Variants in PPFIA2 observed in about 807,000 individuals in gnomAD.
PPFIA2 encodes PPFI scaffold protein A2, also known as liprin-alpha-2.
PPFIA2 carries 46 observed loss-of-function variants against 175.5 expected under a neutral mutation model. The ratio of observed to expected loss-of-function variants is 0.26; its 90% CI spans 0.21 to 0.34. The LOEUF (loss-of-function observed/expected upper bound fraction) is 0.34. Among genes scored for constraint, PPFIA2 ranks in the 10% least tolerant of loss-of-function variants. PPFIA2 has a pLI of 1.00. For missense variants in PPFIA2, 1,179 were observed against 1,506.1 expected (o/e 0.78, Z 3.60); for synonymous variants, 568 against 511.4 (o/e 1.11, Z -1.49).
chr12:81,646,057 A>G (rs1411164954), intron 4 of PPFIA2, among the ~76,000 whole-genome samples: 2 of 152,140 alleles, frequency 1.3e-5, no homozygotes, highest in East Asian at 3.9e-4. Context: ...ACTGGCAAAG[A>G]GACAGGAGAC....
chr12:81,274,357 T>C (rs1188222441), intron 28 of PPFIA2, among the ~76,000 whole-genome samples: 1 of 151,726 alleles, frequency 6.6e-6, no homozygotes, highest in Non-Finnish European at 1.5e-5. Context: ...GTCTAAGACA[T>C]ATTATGTGGT....
At chr12:81,641,741 G>A (rs2065000936) in intron 4 of PPFIA2, among the ~76,000 whole-genome samples, 1 of 152,246 alleles carries the variant, frequency 6.6e-6, no homozygotes, top group African/African-American at 2.4e-5. Context: ...CAGCAGAACT[G>A]CCCTGTAGAG....
At chr12:81,360,752 A>C (rs924826102) in intron 15 of PPFIA2, among the ~76,000 whole-genome samples, 1 of 151,166 alleles carries the variant, frequency 6.6e-6, no homozygotes, top group Admixed American at 6.6e-5. Flanking sequence ...GTTGTTTAAT[A>C]AATATTCAGT....
At chr12:81,359,758 G>A (rs942645703) in intron 15 of PPFIA2, among the ~76,000 whole-genome samples, 1 of 151,656 alleles carries the variant, frequency 6.6e-6, no homozygotes, top group Non-Finnish European at 1.5e-5. Flanking sequence ...CATCATCCTA[G>A]GAGCATTGTT....
At chr12:81,374,572 AT>A in intron 11 of PPFIA2, 61 bp downstream of exon 11, 2 of 1,503,672 alleles carry the variant, frequency 1.3e-6, no homozygotes, top group Non-Finnish European at 1.8e-6. Flanking sequence ...TACACATTCC[AT>A]TTTGATTACA....
At chr12:81,264,802 G>A (rs1417996327) in intron 30 of PPFIA2, among the ~76,000 whole-genome samples, 5 of 152,182 alleles carry the variant, frequency 3.3e-5, no homozygotes, top group African/African-American at 9.7e-5. Context: ...CAACTGCTGT[G>A]TTTTTCATTG....
At chr12:81,614,124 A>G (rs1182271680) in intron 4 of PPFIA2, among the ~76,000 whole-genome samples, 3 of 152,158 alleles carry the variant, frequency 2.0e-5, no homozygotes, top group African/African-American at 7.2e-5. Flanking sequence ...GTTTTTAAAT[A>G]TAGGGACATG....
At chr12:81,739,678 CAT>C (rs1178984161) in intron 3 of PPFIA2, among the ~76,000 whole-genome samples, 2 of 151,870 alleles carry the variant, frequency 1.3e-5, no homozygotes, top group Non-Finnish European at 2.9e-5. Context: ...AACTATATCA[CAT>C]ATCTTAATTG....
At chr12:81,405,530 T>C (rs770522394) in intron 8 of PPFIA2, among the ~76,000 whole-genome samples, 6 of 151,828 alleles carry the variant, frequency 4.0e-5, no homozygotes, top group Non-Finnish European at 5.9e-5. Context: ...TTAAATACTT[T>C]TAAGAAAATC....
chr12:81,412,335 CAAAAA>C (rs35342063), intron 7 of PPFIA2, among the ~76,000 whole-genome samples: 3 of 96,188 alleles, frequency 3.1e-5, no homozygotes, highest in Admixed American at 1.0e-4. Context: ...GTTAAGGAGG[CAAAAA>C]AAAAAAAAAA....
chr12:81,363,924 G>C, intron 14 of PPFIA2, among the ~76,000 whole-genome samples: 1 of 151,828 alleles, frequency 6.6e-6, no homozygotes, highest in East Asian at 1.9e-4. Context: ...TTGTGTGTCA[G>C]GCACCTGAGA....
intron 4 of PPFIA2, among the ~76,000 whole-genome samples, chr12:81,637,816 T>C (rs2064310788): frequency 6.6e-6 from 1 of 152,178 alleles, no homozygotes; most frequent in African/African-American, 2.4e-5. Context: ...ATGTATCATG[T>C]GCCATATACC....
intron 22 of PPFIA2, among the ~76,000 whole-genome samples, chr12:81,324,099 A>G (rs1489386861): frequency 6.6e-6 from 1 of 152,046 alleles, no homozygotes; most frequent in African/African-American, 2.4e-5. Context: ...TTGCCAATAC[A>G]TGTTGCAAAA....
chr12:81,536,666 C>A (rs2065428654), intron 4 of PPFIA2, among the ~76,000 whole-genome samples: 1 of 146,566 alleles, frequency 6.8e-6, no homozygotes, highest in Non-Finnish European at 1.5e-5. Flanking sequence ...GAGTTTATTG[C>A]AGATTATTCA....
At chr12:81,479,659 G>C (rs2057953074) in intron 4 of PPFIA2, among the ~76,000 whole-genome samples, 1 of 152,126 alleles carries the variant, frequency 6.6e-6, no homozygotes, top group South Asian at 2.1e-4. Flanking sequence ...GTCTGTAAAG[G>C]ATTTTATTTT....
chr12:81,350,579 G>A (rs1377904083), intron 17 of PPFIA2: 1 of 152,184 alleles, frequency 6.6e-6, no homozygotes, highest in Non-Finnish European at 1.5e-5. Flanking sequence ...GAACATCAAG[G>A]AACTAGAAAG....
At chr12:81,367,045 A>G in intron 14 of PPFIA2, 63 bp downstream of exon 14, 1 of 1,392,694 alleles carries the variant, frequency 7.2e-7, no homozygotes, top group Non-Finnish European at 9.5e-7. Context: ...ACAACAAAAC[A>G]TTCATCAGTG....
intron 4 of PPFIA2, among the ~76,000 whole-genome samples, chr12:81,533,730 T>C (rs538385774): frequency 4.0e-5 from 3 of 74,466 alleles, no homozygotes; most frequent in Non-Finnish European, 7.8e-5. Flanking sequence ...TATCTATCTA[T>C]CTATCTATAT....
intron 3 of PPFIA2, among the ~76,000 whole-genome samples, chr12:81,677,887 G>A (rs892905993): frequency 6.6e-6 from 1 of 151,794 alleles, no homozygotes; most frequent in Non-Finnish European, 1.5e-5. Context: ...CAGTTCTAAG[G>A]CTTTGGTTCC....
Sources: allele counts gnomAD v4.1 joint callset (sites outside exome capture counted in the v4.1 genomes callset), GRCh38; gene constraint gnomAD v4.1.1; transcripts MANE v1.5; gene names NCBI Gene and HGNC (gene_info 2026-07-23, HGNC 2026-07-21).